The following PCDHGB7 variants were observed in gnomAD, a reference collection of about 807,000 sequenced individuals.
PCDHGB7 encodes the protein protocadherin gamma subfamily B, 7, also known as protocadherin gamma-B7.
PCDHGB7 carries 37 observed loss-of-function variants against 61.4 expected under a neutral mutation model. That is an observed-to-expected ratio of 0.60 (90% CI 0.46 to 0.79). The LOEUF is 0.79. Ranked by LOEUF, PCDHGB7 falls within the 30% of genes least tolerant of loss-of-function variation. The pLI is 0.00. For synonymous variants in PCDHGB7, 464 were observed against 503.5 expected, an observed-to-expected ratio of 0.92 and a Z score of 1.05; for missense variants, 1,166 against 1,202.5, an observed-to-expected ratio of 0.97 and a Z score of 0.45.
intron 1 of PCDHGB7, among the ~76,000 whole-genome samples, chr5:141,430,226 T>C (rs1331325242): frequency 6.9e-6 from 1 of 144,216 alleles, no homozygotes; most frequent in Admixed American, 7.0e-5. Context: ...ATATGATTTG[T>C]CAAAAAGAGA....
intron 3 of PCDHGB7, 120 bp downstream of exon 3, chr5:141,505,601 C>T (rs1171679451): frequency 6.4e-7 from 1 of 1,550,630 alleles, no homozygotes; most frequent in Non-Finnish European, 8.7e-7. Flanking sequence ...GATCTTTCGG[C>T]AGGTCTGAAA....
intron 1 of PCDHGB7, among the ~76,000 whole-genome samples, chr5:141,453,288 ATTATTTAT>A (rs577328880): frequency 6.6e-6 from 1 of 151,342 alleles, no homozygotes; most frequent in Non-Finnish European, 1.5e-5. Context: ...TAATTTTTTA[ATTATTTAT>A]TTATTTATTT....
At chr5:141,455,013 C>T (rs1468289988) in intron 1 of PCDHGB7, among the ~76,000 whole-genome samples, 2 of 151,130 alleles carry the variant, frequency 1.3e-5, no homozygotes, top group African/African-American at 4.9e-5. Context: ...GGGGTTTCAC[C>T]GTGTTAGCCA....
chr5:141,431,020 G>A lies in PCDHGB7; in HGVS notation c.2415+10746G>A, dbSNP rs941765907. On this transcript the variant is annotated intron_variant, in intron 1 of 3. Transcript: ENST00000398594. This position sits in a 1 kb window ranked among gnomAD's most constrained non-coding sequence, Gnocchi z 4.8. ...CGCGCAGCGGCAGCTTGGTCACGGC[G>A]GGCAGGATAGACCGGGAGGAGCTCT... The A allele has an allele frequency of 9.9e-6, 16 of 1,614,050 alleles. No homozygotes were observed. Among genetic ancestry groups the A allele is most frequent in the East Asian group, 4.5e-5 (2 of 44,886 alleles).
Position 141,511,132 on chromosome 5 carries a change from A to G in PCDHGB7, c.2749A>G (p.Asn917Asp). The change falls in exon 4 of 4, where the codon AAT (asparagine) becomes GAT (aspartate). Residue 917 changes from asparagine to aspartate, a missense_variant. Coordinates refer to ENST00000398594, the MANE Select transcript of PCDHGB7 (RefSeq NM_018927.4). ...GGATGGCAAGGCCCCAGCAGGTGGC[A>G]ATGGCAACAAGAAGAAGTCGGGCAA... ...KRDGKAPAGG[N>D]GNKKKSGKKE... is the part of the protein sequence containing the mutation. The G allele has an allele frequency of 6.2e-7, 1 of 1,614,218 alleles. No individual in the cohort carries two copies. Among genetic ancestry groups the G allele is most frequent in the Non-Finnish European group, 8.5e-7 (1 of 1,180,018 alleles).
chr5:141,433,194 A>G (rs1170543558), intron 1 of PCDHGB7: 18 of 1,585,754 alleles, frequency 1.1e-5, no homozygotes, highest in Non-Finnish European at 1.5e-5. Context: ...GTGAGTTTAT[A>G]TCAAATCTTC....
At position 141,489,062 on chromosome 5, in the gene PCDHGB7, C is replaced by G. The variant is rs1466124551; in HGVS notation, c.2416-5745C>G. Reference sequence around the variant, plus strand: ...GCTCCACTCAAATTCAGCTCCCCTCCCCCCTGCCCACCCCCGCCACTCGGT... The same window carrying G: ...GCTCCACTCAAATTCAGCTCCCCTCGCCCCTGCCCACCCCCGCCACTCGGT... On this transcript the variant is annotated intron_variant, in intron 1 of 3. Transcript: ENST00000398594. This position sits in a 1 kb window ranked among gnomAD's most constrained non-coding sequence, Gnocchi z 4.5. 5.3e-6 allele frequency: 2 copies of G among 378,914 alleles called. No homozygotes were observed. Among genetic ancestry groups the G allele is most frequent in the Non-Finnish European group, 9.5e-6 (2 of 209,830 alleles). 23.5% of individuals were successfully genotyped at this position (378,914 alleles called of 1,614,324 possible).
rs146719320 is a variant in PCDHGB7, at chr5:141,444,557, A to T, written c.2415+24283A>T. ...TGTGTCTAGTGAGCAAAAGGCACTTATTTGACACTTTTGACTCTTCCTTTC... is the reference window on the plus strand; with the variant it reads ...TGTGTCTAGTGAGCAAAAGGCACTTTTTTGACACTTTTGACTCTTCCTTTC... On this transcript the variant is annotated intron_variant, in intron 1 of 3. Transcript: ENST00000398594. Among the ~76,000 whole-genome samples, 1,352 of 152,248 alleles carry T rather than the reference A, an allele frequency of 8.9e-3. 18 individuals carry two copies. The highest frequency in any genetic ancestry group is 0.031 in the African/African-American group (1,277 of 41,558).
chr5:141,420,202 C>G lies in PCDHGB7; in HGVS notation c.2343C>G (p.Leu781=). The change falls in exon 1 of 4, where the codon CTC becomes CTG. Residue 781 remains leucine, a synonymous_variant. Transcript: ENST00000398594. ...VDHCPATQDN[L]NKDSMLLASI... is the part of the protein sequence containing the mutation. ...ATTGTCCAGCCACACAAGATAACCT[C>G]AACAAAGATAGCATGCTACTGGCTA... 2 of 1,613,256 alleles carry G rather than the reference C, an allele frequency of 1.2e-6. No individual in the cohort carries two copies. Among genetic ancestry groups the G allele is most frequent in the Non-Finnish European group, 1.7e-6 (2 of 1,179,302 alleles).
intron 1 of PCDHGB7, among the ~76,000 whole-genome samples, chr5:141,448,451 C>T (rs1261733103): frequency 6.6e-6 from 1 of 152,032 alleles, no homozygotes; most frequent in Admixed American, 6.6e-5. Context: ...GACTTCCATC[C>T]CTATCCTACT....
Position 141,417,751 on chromosome 5 carries a change from C to T in PCDHGB7, c.-109C>T. On this transcript the variant is annotated 5_prime_UTR_variant, in exon 1 of 4. Coordinates refer to ENST00000398594, the MANE Select transcript of PCDHGB7 (RefSeq NM_018927.4). Reference sequence around the variant, plus strand: ...CTTGCCCAGCACACCAGATTGCCAGCTCCGAGACCCGGGACTCCTCCTGTC... The same window carrying T: ...CTTGCCCAGCACACCAGATTGCCAGTTCCGAGACCCGGGACTCCTCCTGTC... 1 of 1,427,514 alleles carries T rather than the reference C, an allele frequency of 7.0e-7. No homozygotes were observed. Among genetic ancestry groups the T allele is most frequent in the Non-Finnish European group, 9.2e-7 (1 of 1,085,186 alleles). 88.4% of individuals were successfully genotyped at this position (1,427,514 alleles called of 1,614,324 possible). A position where few individuals can be genotyped will look rare whatever the true frequency, so the allele number is the denominator to read the frequency against.
At chr5:141,470,552 T>G (rs1303190360) in intron 1 of PCDHGB7, among the ~76,000 whole-genome samples, 1 of 151,966 alleles carries the variant, frequency 6.6e-6, no homozygotes, top group East Asian at 1.9e-4. Flanking sequence ...TTATTGAGAG[T>G]TTCCTCTGTG....
intron 2 of PCDHGB7, among the ~76,000 whole-genome samples, chr5:141,504,178 A>C (rs572543892): frequency 4.5e-4 from 69 of 152,366 alleles, no homozygotes; most frequent in Non-Finnish European, 7.6e-4. Context: ...AAATTCAAAA[A>C]AATCATGAAA....
chr5:141,488,210 A>G (rs2099673009), intron 1 of PCDHGB7, among the ~76,000 whole-genome samples: 1 of 152,192 alleles, frequency 6.6e-6, no homozygotes, highest in Admixed American at 6.5e-5. Context: ...ACTCATATCA[A>G]GTCCCTACTG....
Position 141,485,210 on chromosome 5 carries a change from C to G in PCDHGB7, c.2416-9597C>G. 2 of 1,614,058 alleles carry G rather than the reference C, an allele frequency of 1.2e-6. No individual in the cohort carries two copies. The highest frequency in any genetic ancestry group is 1.7e-6 in the Non-Finnish European group (2 of 1,179,934). On this transcript the variant is annotated intron_variant, in intron 1 of 3. Transcript: ENST00000398594. The surrounding 1 kb of genome is among the most constrained non-coding windows in gnomAD (Gnocchi z 5.7). ...GGTGAGAAGCTGGACAGAAATCTGG[C>G]GGTGGGCTACCCTTTTGTTCCTCTT...
intron 1 of PCDHGB7, among the ~76,000 whole-genome samples, chr5:141,473,404 T>A (rs953797915): frequency 6.6e-6 from 1 of 152,226 alleles, no homozygotes; most frequent in Non-Finnish European, 1.5e-5. Flanking sequence ...TCTTTTTTTC[T>A]TCTTCAGTGG....
intron 3 of PCDHGB7, among the ~76,000 whole-genome samples, chr5:141,505,942 G>A (rs2099849309): frequency 6.6e-6 from 1 of 152,192 alleles, no homozygotes; most frequent in African/African-American, 2.4e-5. Flanking sequence ...AAGCCCTCAA[G>A]CAATGAAAGT....
At position 141,507,794 on chromosome 5, in the gene PCDHGB7, C is replaced by CT. The variant is rs576191739; in HGVS notation, c.2563+2314dup. On this transcript the variant is annotated intron_variant, in intron 3 of 3. Coordinates refer to ENST00000398594, the MANE Select transcript of PCDHGB7 (RefSeq NM_018927.4). ...CACAGGGCCTGACCCTCGTCTAAGC[C>CT]TGCGCCCTGGGGAACGGACCCTGGG... 7.9e-4 allele frequency among the ~76,000 whole-genome samples: 120 copies of CT among 152,356 alleles called. 2 individuals carry two copies. The highest frequency in any genetic ancestry group is 2.8e-3 in the African/African-American group (115 of 41,592).
rs1013306543 is a variant in PCDHGB7 at position 141,419,735 on chromosome 5, G to A, written c.1876G>A (p.Val626Met). ...LFSLGLRTGE[V>M]RMVRALGDKD... is the part of the protein sequence containing the mutation. ...CAGCCTGGGGCTGCGAACAGGCGAG[G>A]TGCGCATGGTGCGTGCTTTGGGTGA... is the stretch of plus-strand genomic sequence containing the variant. The change falls in exon 1 of 4, where the codon GTG becomes ATG. Residue 626 changes from valine (V) to methionine (M), a missense_variant. Coordinates refer to ENST00000398594, the MANE Select transcript of PCDHGB7 (RefSeq NM_018927.4). The A allele has an allele frequency of 2.5e-6, 4 of 1,613,806 alleles. No homozygotes were observed. The highest frequency in any genetic ancestry group is 3.4e-6 in the Non-Finnish European group (4 of 1,179,844).
Sources: allele counts gnomAD v4.1 joint callset (sites outside exome capture counted in the v4.1 genomes callset), GRCh38; gene constraint gnomAD v4.1.1; non-coding constraint Gnocchi (gnomAD v3.1); transcripts MANE v1.5; gene names NCBI Gene and HGNC (gene_info 2026-07-23, HGNC 2026-07-21).